Variants in SOX5 observed in about 807,000 individuals in gnomAD.
SOX5 encodes transcription factor SOX-5.
Under a neutral mutation model 92.0 loss-of-function variants are expected in SOX5, and 9 were observed. The observed-to-expected ratio is 0.10, with a 90% CI of 0.06 to 0.17. The LOEUF is 0.17. Ranked by LOEUF, SOX5 falls within the 10% of genes least tolerant of loss-of-function variation. SOX5 has a pLI of 1.00. For missense variants in SOX5, 642 were observed against 944.5 expected (o/e 0.68, Z 4.20); for synonymous variants, 344 against 336.3 (o/e 1.02, Z -0.25).
chr12:23,924,136 A>G, intron 1 of SOX5, among the ~76,000 whole-genome samples: 1 of 152,350 alleles, frequency 6.6e-6, no homozygotes, highest in Middle Eastern at 3.4e-3. Flanking sequence ...CCAAGATAAA[A>G]TATTTAGTAT....
At chr12:23,770,484 CAAG>C (rs1255757763) in intron 3 of SOX5, among the ~76,000 whole-genome samples, 1 of 151,898 alleles carries the variant, frequency 6.6e-6, no homozygotes, top group Non-Finnish European at 1.5e-5. Flanking sequence ...AAGGTGGAAT[CAAG>C]GAGGGGAGAG....
chr12:24,399,078 G>T (rs1409565203), intron 1 of SOX5, among the ~76,000 whole-genome samples: 1 of 152,094 alleles, frequency 6.6e-6, no homozygotes, highest in Non-Finnish European at 1.5e-5. Context: ...AACGGCCACG[G>T]TCTTTCCAAT....
chr12:24,517,665 A>G (rs1339213433), intron 1 of SOX5, among the ~76,000 whole-genome samples: 1 of 151,838 alleles, frequency 6.6e-6, no homozygotes, highest in African/African-American at 2.4e-5. Flanking sequence ...ATAAAAACTG[A>G]AACATAATTC....
At chr12:24,402,898 A>T (rs1187462199) in intron 1 of SOX5, among the ~76,000 whole-genome samples, 1 of 152,142 alleles carries the variant, frequency 6.6e-6, no homozygotes, top group African/African-American at 2.4e-5. Flanking sequence ...TTAGTTCCTA[A>T]AGCTTGTAAC....
chr12:24,438,412 C>A (rs746397106), intron 1 of SOX5, among the ~76,000 whole-genome samples: 28 of 151,706 alleles, frequency 1.8e-4, no homozygotes, highest in Admixed American at 3.3e-4. Flanking sequence ...TACATGTACC[C>A]CAGGACTTAA....
intron 1 of SOX5, among the ~76,000 whole-genome samples, chr12:24,387,153 G>A (rs1279095935): frequency 3.3e-5 from 5 of 152,142 alleles, no homozygotes; most frequent in Admixed American, 2.0e-4. Context: ...CTTCTCAAAC[G>A]TCTTCAACAT....
chr12:24,298,388 T>G (rs1231330870), intron 2 of SOX5, among the ~76,000 whole-genome samples: 1 of 152,150 alleles, frequency 6.6e-6, no homozygotes, highest in Non-Finnish European at 1.5e-5. Flanking sequence ...AATTTTAAAT[T>G]AAAGAAACTG....
chr12:24,109,964 T>A (rs1947127038), intron 4 of SOX5, among the ~76,000 whole-genome samples: 1 of 152,176 alleles, frequency 6.6e-6, no homozygotes, highest in Non-Finnish European at 1.5e-5. Context: ...TTCATTAAAA[T>A]TTTTTCTGAT....
chr12:24,331,653 T>C (rs532855282), intron 2 of SOX5, among the ~76,000 whole-genome samples: 1 of 151,484 alleles, frequency 6.6e-6, no homozygotes, highest in Non-Finnish European at 1.5e-5. Flanking sequence ...ATCGAGACCA[T>C]CCTGGCCAAC....
At position 23,817,650 on chromosome 12, in the gene SOX5, A is replaced by G. The variant is rs117616819; in HGVS notation, c.481+28333T>C. Among the ~76,000 whole-genome samples, 498 of 152,348 alleles carry G rather than the reference A, an allele frequency of 3.3e-3. 2 individuals carry two copies. The highest frequency in any genetic ancestry group is 5.2e-3 in the Non-Finnish European group (351 of 68,026). On this transcript the variant is annotated intron_variant, in intron 3 of 14. Transcript: ENST00000451604. ...TAATAACCATATGACCTAAAAAGTG[A>G]CATACATAATAAAATGTCTATCAAT... is the stretch of plus-strand genomic sequence containing the variant.
intron 2 of SOX5, among the ~76,000 whole-genome samples, chr12:23,860,961 A>AAC (rs1555390613): frequency 4.1e-4 from 28 of 68,126 alleles, no homozygotes; most frequent in East Asian, 1.2e-3. Flanking sequence ...GTAAAAAAAA[A>AAC]AAAAAAAAAA....
intron 4 of SOX5, among the ~76,000 whole-genome samples, chr12:24,199,787 C>T (rs932797757): frequency 5.3e-5 from 8 of 152,254 alleles, no homozygotes; most frequent in South Asian, 2.1e-4. Flanking sequence ...TATCAAAAGA[C>T]GTTTGCAATC....
intron 2 of SOX5, among the ~76,000 whole-genome samples, chr12:24,321,134 G>A (rs1029466341): frequency 1.3e-5 from 2 of 152,118 alleles, no homozygotes; most frequent in African/African-American, 4.8e-5. Context: ...CTGTAGTCTG[G>A]ATTATCAGAC....
intron 3 of SOX5, among the ~76,000 whole-genome samples, chr12:23,810,319 T>C (rs1385795001): frequency 6.6e-6 from 1 of 152,306 alleles, no homozygotes; most frequent in Non-Finnish European, 1.5e-5. Flanking sequence ...TTGAAATTAT[T>C]ATTATGATCA....
chr12:23,886,415 G>A (rs1311244319), intron 2 of SOX5, among the ~76,000 whole-genome samples: 1 of 152,072 alleles, frequency 6.6e-6, no homozygotes, highest in Non-Finnish European at 1.5e-5. Flanking sequence ...ATGTGGCCAA[G>A]AAGAAATATG....
At chr12:23,770,614 C>A (rs977336563) in intron 3 of SOX5, among the ~76,000 whole-genome samples, 1 of 151,856 alleles carries the variant, frequency 6.6e-6, no homozygotes, top group African/African-American at 2.4e-5. Flanking sequence ...ATTCTCTGAA[C>A]GGTATTCCTA....
intron 3 of SOX5, among the ~76,000 whole-genome samples, chr12:23,838,844 G>GTGC (rs1568223069): frequency 1.8e-5 from 1 of 56,988 alleles, no homozygotes; most frequent in Non-Finnish European, 3.9e-5. Context: ...CTTTTTTTTT[G>GTGC]GGGGGGGGGG....
chr12:24,482,467 C>A (rs951854810), intron 1 of SOX5, among the ~76,000 whole-genome samples: 4 of 152,202 alleles, frequency 2.6e-5, no homozygotes, highest in Admixed American at 2.0e-4. Context: ...ACTACTATCA[C>A]TATTACCCAT....
intron 1 of SOX5, among the ~76,000 whole-genome samples, chr12:23,939,818 T>C (rs1311851667): frequency 6.6e-6 from 1 of 151,046 alleles, no homozygotes; most frequent in African/African-American, 2.4e-5. Context: ...TTTCTTTTCT[T>C]GAAATTGCCA....
Sources: gnomAD v4.1 joint callset for allele counts (sites outside exome capture counted in the v4.1 genomes callset) on GRCh38, gnomAD v4.1.1 for gene constraint, MANE v1.5 for transcripts, NCBI Gene and HGNC (gene_info 2026-07-23, HGNC 2026-07-21) for gene names.